The following SIK3 variants were observed in gnomAD, a reference collection of about 807,000 sequenced individuals.
The protein encoded by SIK3 is serine/threonine-protein kinase SIK3.
A neutral mutation model predicts 144.2 loss-of-function variants in SIK3; 28 were observed. The observed-to-expected ratio is 0.19, with a 90% confidence interval of 0.14 to 0.27. SIK3 has a LOEUF of 0.27. Ranked by LOEUF, SIK3 falls within the 10% of genes least tolerant of loss-of-function variation. The probability of loss-of-function intolerance (pLI) is 1.00; values close to 1 mark genes in which losing one functional copy is unlikely to be tolerated. For missense variants in SIK3, 1,319 were observed against 1,776.0 expected (o/e 0.74, Z 4.62); for synonymous variants, 686 against 676.3 (o/e 1.01, Z -0.22).
rs74942197 is a variant in SIK3, at chr11:116,979,045, T to G, written c.274-21981A>C. On this transcript the variant is annotated intron_variant, in intron 1 of 24. Coordinates refer to ENST00000445177, the MANE Select transcript of SIK3 (RefSeq NM_001366686.3). ...GTCTCTTAAGCCATGCGCACAAGAATTTCACTAGGGGACATACCTAGGCAT... is the reference window on the plus strand; with the variant it reads ...GTCTCTTAAGCCATGCGCACAAGAAGTTCACTAGGGGACATACCTAGGCAT... Among the ~76,000 whole-genome samples, 5 of 152,172 alleles carry G rather than the reference T, an allele frequency of 3.3e-5. No individual in the cohort carries two copies. The East Asian group carries it at 9.6e-4, about 29-fold the overall frequency.
intron 1 of SIK3, among the ~76,000 whole-genome samples, chr11:117,009,096 G>A (rs148232096): frequency 1.3e-5 from 2 of 152,102 alleles, no homozygotes; most frequent in East Asian, 1.9e-4. Flanking sequence ...TCAGCCAGGT[G>A]TAGTGGTGTG....
chr11:116,914,321 G>A (rs1946500939), intron 4 of SIK3, among the ~76,000 whole-genome samples: 1 of 150,084 alleles, frequency 6.7e-6, no homozygotes, highest in African/African-American at 2.5e-5. Flanking sequence ...CAATTCTCCT[G>A]TTTCAGCCTC....
intron 1 of SIK3, among the ~76,000 whole-genome samples, chr11:117,026,793 G>A (rs1591563654): frequency 6.6e-6 from 1 of 152,286 alleles, no homozygotes; most frequent in South Asian, 2.1e-4. Context: ...CTCTCCAGCT[G>A]CTAAGCTGTC....
intron 2 of SIK3, among the ~76,000 whole-genome samples, chr11:116,955,621 A>C (rs1162510736): frequency 6.6e-6 from 1 of 152,164 alleles, no homozygotes; most frequent in East Asian, 1.9e-4. Flanking sequence ...ACAATTATTT[A>C]AAGATGATTT....
At chr11:116,987,964 G>A (rs1950376704) in intron 1 of SIK3, among the ~76,000 whole-genome samples, 1 of 152,142 alleles carries the variant, frequency 6.6e-6, no homozygotes, top group South Asian at 2.1e-4. Context: ...TGTAAAGGAC[G>A]TTACCTCGAC....
chr11:116,998,791 A>C (rs1950754902), intron 1 of SIK3, among the ~76,000 whole-genome samples: 1 of 152,224 alleles, frequency 6.6e-6, no homozygotes. Flanking sequence ...AAATTTTTAG[A>C]GCCACAGAAT....
At position 116,915,124 on chromosome 11, in the gene SIK3, ATGTGTG is replaced by A. The variant is rs35059138; in HGVS notation, c.616+12089_616+12094del. Among the ~76,000 whole-genome samples the A allele has an allele frequency of 1.4e-3, 177 of 129,986 alleles. 4 individuals carry two copies. In the South Asian group the frequency reaches 0.019, roughly 14 times the overall value. The allele number at this position is 129,986 out of a possible 152,430, so 85.3% of individuals were successfully genotyped here. ...TATCATGTTTAGTAGGAAGCCATAT[ATGTGTG>A]TGTGTGTGTGTGTGTGTGTGTGTGT... On this transcript the variant is annotated intron_variant, in intron 4 of 24. Coordinates refer to ENST00000445177, the MANE Select transcript of SIK3 (RefSeq NM_001366686.3).
chr11:116,887,770 A>T (rs1944901497), intron 6 of SIK3, among the ~76,000 whole-genome samples: 1 of 152,230 alleles, frequency 6.6e-6, no homozygotes, highest in Admixed American at 6.5e-5. Flanking sequence ...CTGATAATCA[A>T]GAGGCTTACA....
At chr11:116,883,692 G>A (rs1220070917) in intron 6 of SIK3, among the ~76,000 whole-genome samples, 2 of 152,198 alleles carry the variant, frequency 1.3e-5, no homozygotes, top group Non-Finnish European at 2.9e-5. Context: ...CCAGCACTCT[G>A]GGAGCCCGAG....
At chr11:116,954,476 CA>C (rs375861538) in intron 2 of SIK3, among the ~76,000 whole-genome samples, 38 of 125,068 alleles carry the variant, frequency 3.0e-4, no homozygotes, top group East Asian at 7.0e-4. Flanking sequence ...CCTATCAAAT[CA>C]AAAAAAAAAA....
At chr11:117,081,092 G>GAGAT (rs1337616406) in intron 1 of SIK3, among the ~76,000 whole-genome samples, 1 of 151,938 alleles carries the variant, frequency 6.6e-6, no homozygotes, top group African/African-American at 2.4e-5. Context: ...AATAATGTTG[G>GAGAT]AGATATACTA....
chr11:117,001,317 C>G (rs970894013), intron 1 of SIK3, among the ~76,000 whole-genome samples: 32 of 152,264 alleles, frequency 2.1e-4, no homozygotes, highest in African/African-American at 7.5e-4. Context: ...ACCAGCCTGA[C>G]AAATATGGTG....
At chr11:116,966,083 A>T (rs889204446) in intron 1 of SIK3, among the ~76,000 whole-genome samples, 1 of 152,174 alleles carries the variant, frequency 6.6e-6, no homozygotes, top group Non-Finnish European at 1.5e-5. Context: ...TGGTTTAACA[A>T]GGCAGTTCTA....
intron 1 of SIK3, among the ~76,000 whole-genome samples, chr11:117,031,347 T>C (rs1952247493): frequency 6.6e-6 from 1 of 150,820 alleles, no homozygotes; most frequent in Non-Finnish European, 1.5e-5. Flanking sequence ...GAAGTTTAGG[T>C]CAGATTTTTC....
At chr11:117,095,093 G>A (rs1477788512) in intron 1 of SIK3, among the ~76,000 whole-genome samples, 2 of 151,302 alleles carry the variant, frequency 1.3e-5, no homozygotes, top group Non-Finnish European at 2.9e-5. Context: ...TTTGGGAAAG[G>A]GCCAGCTTAA....
intron 21 of SIK3, among the ~76,000 whole-genome samples, chr11:116,855,083 C>CAAAAAAAAAAAAAAAAAAAAAAA: frequency 1.2e-5 from 1 of 82,092 alleles, no homozygotes. Flanking sequence ...GAGACTCTGC[C>CAAAAAAAAAAAAAAAAAAAAAAA]AAAAAAAAAA....
intron 21 of SIK3, chr11:116,856,814 C>T (rs1942963501): frequency 6.6e-6 from 1 of 152,250 alleles, no homozygotes; most frequent in South Asian, 2.1e-4. Context: ...GACCGAATTC[C>T]CCCTGGGGCT....
intron 1 of SIK3, among the ~76,000 whole-genome samples, chr11:117,048,622 C>T (rs1345619934): frequency 1.3e-5 from 2 of 152,108 alleles, no homozygotes; most frequent in African/African-American, 4.8e-5. Context: ...GGCCATTGCA[C>T]TCCAGCCTGG....
intron 4 of SIK3, among the ~76,000 whole-genome samples, chr11:116,925,288 G>C (rs1453140176): frequency 6.6e-6 from 1 of 152,168 alleles, no homozygotes; most frequent in Non-Finnish European, 1.5e-5. Flanking sequence ...GGAGAGAGAT[G>C]ATCCTGGATT....
Sources: allele counts gnomAD v4.1 joint callset (sites outside exome capture counted in the v4.1 genomes callset), GRCh38; gene constraint gnomAD v4.1.1; transcripts MANE v1.5; gene names NCBI Gene and HGNC (gene_info 2026-07-23, HGNC 2026-07-21).